PTPRK: variants seen among roughly 807,000 people sequenced by gnomAD.
PTPRK encodes the protein protein tyrosine phosphatase receptor type K, also known as receptor-type tyrosine-protein phosphatase kappa.
In PTPRK, 75 loss-of-function variants were observed where a neutral mutation model predicts 178.0. The ratio of observed to expected loss-of-function variants is 0.42; its 90% confidence interval spans 0.35 to 0.51. PTPRK has a LOEUF of 0.51. Ranked by LOEUF, PTPRK falls within the 20% of genes least tolerant of loss-of-function variation. PTPRK has a pLI of 0.02. For synonymous variants in PTPRK, 637 were observed against 620.6 expected, an observed-to-expected ratio of 1.03 and a Z score of -0.39; for missense variants, 1,441 against 1,797.8, an observed-to-expected ratio of 0.80 and a Z score of 3.59.
chr6:128,500,365 G>GC (rs1052485057), intron 1 of PTPRK, among the ~76,000 whole-genome samples: 2 of 148,492 alleles, frequency 1.3e-5, no homozygotes, highest in African/African-American at 5.2e-5. Flanking sequence ...TGAAAATTTG[G>GC]GGGGGGGAGT....
Position 128,439,313 on chromosome 6 carries a change from G to A in PTPRK, c.101-41625C>T, listed in dbSNP as rs574991630. On this transcript the variant is annotated intron_variant, in intron 1 of 29. Coordinates refer to ENST00000368226, the MANE Select transcript of PTPRK (RefSeq NM_002844.4). ...CCAAAAAGACTACAAATAATACAAT[G>A]AGTGCAGAAACTTTGATTCACCATT... Among the ~76,000 whole-genome samples, 4 of 152,262 alleles carry A rather than the reference G, an allele frequency of 2.6e-5. No individual in the cohort carries two copies. In the East Asian group the frequency reaches 7.7e-4, roughly 29 times the overall value.
intron 3 of PTPRK, among the ~76,000 whole-genome samples, chr6:128,308,213 ATTTG>A (rs1242848962): frequency 6.6e-6 from 1 of 152,114 alleles, no homozygotes; most frequent in Non-Finnish European, 1.5e-5. Flanking sequence ...AAAACAAAAT[ATTTG>A]TTTAAAGTAA....
intron 7 of PTPRK, among the ~76,000 whole-genome samples, chr6:128,130,161 T>C (rs529293699): frequency 4.1e-4 from 62 of 152,346 alleles, no homozygotes; most frequent in African/African-American, 1.4e-3. Context: ...TGCCTTGATG[T>C]GGAATGTAAT....
At chr6:128,252,969 A>G (rs56042959) in intron 3 of PTPRK, among the ~76,000 whole-genome samples, 10,668 of 152,062 alleles carry the variant, frequency 0.07, 1,022 homozygotes, top group African/African-American at 0.22. Context: ...CCCTTTCCAT[A>G]ATTCCTTTTA....
At chr6:128,048,358 G>A (rs1778424379) in intron 13 of PTPRK, among the ~76,000 whole-genome samples, 1 of 152,108 alleles carries the variant, frequency 6.6e-6, no homozygotes, top group Non-Finnish European at 1.5e-5. Context: ...GAACATTCTA[G>A]CTCATCCCCT....
intron 1 of PTPRK, among the ~76,000 whole-genome samples, chr6:128,486,110 C>A (rs1852827431): frequency 6.6e-6 from 1 of 151,734 alleles, no homozygotes; most frequent in South Asian, 2.1e-4. Context: ...AAAAATTAAC[C>A]CACAGAATAC....
chr6:128,190,359 C>A (rs1406898228), intron 6 of PTPRK, among the ~76,000 whole-genome samples: 1 of 151,968 alleles, frequency 6.6e-6, no homozygotes, highest in Admixed American at 6.6e-5. Context: ...ATGCAGTCAG[C>A]AAATTCTATA....
chr6:127,975,940 A>G (rs7769857), intron 27 of PTPRK, among the ~76,000 whole-genome samples: 136,110 of 152,152 alleles, frequency 0.89, 61,595 homozygotes, highest in Non-Finnish European at 0.95. Context: ...AAAGTGCTGG[A>G]ATTACAGGCA....
chr6:128,058,163 T>C (rs1780219498), intron 13 of PTPRK, among the ~76,000 whole-genome samples: 1 of 152,192 alleles, frequency 6.6e-6, no homozygotes, highest in African/African-American at 2.4e-5. Flanking sequence ...TTAACATACA[T>C]ATTTCTTTGG....
chr6:127,985,114 T>C (rs1314183737), intron 22 of PTPRK, among the ~76,000 whole-genome samples: 2 of 152,198 alleles, frequency 1.3e-5, no homozygotes, highest in African/African-American at 2.4e-5. Context: ...AATGAGGCCA[T>C]GTAATTTGCT....
intron 1 of PTPRK, among the ~76,000 whole-genome samples, chr6:128,403,957 C>A (rs890504230): frequency 1.3e-5 from 2 of 152,162 alleles, no homozygotes; most frequent in Admixed American, 6.5e-5. Context: ...ACAAAGAATA[C>A]CTAACAAATG....
chr6:128,243,614 A>C (rs569086284), intron 3 of PTPRK, among the ~76,000 whole-genome samples: 2 of 152,004 alleles, frequency 1.3e-5, no homozygotes, highest in South Asian at 2.1e-4. Flanking sequence ...GAATTGCTTG[A>C]ACCCAGGAGT....
At chr6:128,477,340 T>G (rs1021404252) in intron 1 of PTPRK, among the ~76,000 whole-genome samples, 1 of 151,864 alleles carries the variant, frequency 6.6e-6, no homozygotes, top group Non-Finnish European at 1.5e-5. Context: ...CAGTTACACT[T>G]AGTAACTAGC....
intron 7 of PTPRK, among the ~76,000 whole-genome samples, chr6:128,120,782 T>G (rs1792332060): frequency 6.6e-6 from 1 of 151,904 alleles, no homozygotes; most frequent in African/African-American, 2.4e-5. Context: ...GTACTTAATT[T>G]CAATTGTTAT....
intron 1 of PTPRK, among the ~76,000 whole-genome samples, chr6:128,428,041 CGA>C (rs1844380075): frequency 1.3e-5 from 2 of 151,968 alleles, no homozygotes; most frequent in Admixed American, 1.3e-4. Context: ...TGCAGTGAGC[CGA>C]GATCACGCCA....
At chr6:128,162,723 A>G (rs892806329) in intron 7 of PTPRK, among the ~76,000 whole-genome samples, 2 of 151,706 alleles carry the variant, frequency 1.3e-5, no homozygotes, top group Non-Finnish European at 3.0e-5. Flanking sequence ...GGAAGCTACA[A>G]ATATTGATAA....
intron 7 of PTPRK, among the ~76,000 whole-genome samples, chr6:128,099,524 C>T (rs1788446427): frequency 6.6e-6 from 1 of 152,038 alleles, no homozygotes; most frequent in African/African-American, 2.4e-5. Flanking sequence ...TTAGGTCCTT[C>T]TTTCCTTCTA....
At chr6:128,376,473 G>A (rs148600906) in intron 2 of PTPRK, among the ~76,000 whole-genome samples, 5 of 152,228 alleles carry the variant, frequency 3.3e-5, no homozygotes, top group African/African-American at 4.8e-5. Flanking sequence ...CCTTGGGTCC[G>A]ACTCACAAAA....
At chr6:128,188,649 A>G (rs542629728) in intron 6 of PTPRK, among the ~76,000 whole-genome samples, 4 of 152,312 alleles carry the variant, frequency 2.6e-5, no homozygotes, top group African/African-American at 9.6e-5. Context: ...GTGGCTTAAA[A>G]CAACAGAGAT....
Sources: gnomAD v4.1 joint callset for allele counts (sites outside exome capture counted in the v4.1 genomes callset) on GRCh38, gnomAD v4.1.1 for gene constraint, MANE v1.5 for transcripts, NCBI Gene and HGNC (gene_info 2026-07-23, HGNC 2026-07-21) for gene names.